The following CTDP1 variants were observed in gnomAD, a reference collection of about 807,000 sequenced individuals.
CTDP1 encodes the protein RNA polymerase II subunit A C-terminal domain phosphatase.
A neutral mutation model predicts 91.8 loss-of-function variants in CTDP1; 47 were observed. That is an observed-to-expected ratio of 0.51 (90% confidence interval 0.41 to 0.65). The LOEUF is 0.65. Among genes scored for constraint, CTDP1 ranks in the 30% least tolerant of loss-of-function variants. CTDP1 has a pLI of 0.00. For missense variants in CTDP1, 1,272 were observed against 1,373.7 expected (o/e 0.93, Z 1.17); for synonymous variants, 656 against 598.5 (o/e 1.10, Z -1.40).
Position 79,704,813 on chromosome 18 carries a change from C to T in CTDP1, c.668C>T (p.Thr223Met), listed in dbSNP as rs149796311. Residue 223 changes from threonine (T) to methionine (M), a missense_variant, in exon 5 of 13, where the codon ACG becomes ATG. Thr to Met is a moderately conservative substitution (Grantham distance 81). Around this residue, in one of 3 missense-constraint regions of CTDP1, gnomAD observed 177 missense variants for 283.0 expected, o/e 0.63. Coordinates refer to ENST00000613122, the MANE Select transcript of CTDP1 (RefSeq NM_004715.5). ...GGCCGGGGTGAGCCCATGCTGCACA[C>T]GCGCCTGCGTCCACACTGCAAGGAC... ...QLGRGEPMLH[T>M]RLRPHCKDFL... is the part of the protein sequence containing the mutation. 1,038 of 1,613,986 alleles carry T rather than the reference C, an allele frequency of 6.4e-4. 2 individuals carry two copies. The highest frequency in any genetic ancestry group is 7.7e-4 in the Non-Finnish European group (912 of 1,180,048).
intron 11 of CTDP1, 40 bp from the exon 12 acceptor site, chr18:79,736,315 C>G: frequency 1.3e-6 from 2 of 1,548,486 alleles, no homozygotes; most frequent in African/African-American, 1.4e-5. Context: ...GAACGGGGCC[C>G]GGGAAGGAGG....
chr18:79,681,450 G>A (rs2085366181), intron 1 of CTDP1: 1 of 985,278 alleles, frequency 1.0e-6, no homozygotes, highest in African/African-American at 1.7e-5. Flanking sequence ...CCCCAGGATG[G>A]AAGATCCCTA....
intron 1 of CTDP1, among the ~76,000 whole-genome samples, chr18:79,694,216 G>T (rs1344119164): frequency 2.8e-5 from 4 of 144,994 alleles, no homozygotes; most frequent in African/African-American, 1.1e-4. Flanking sequence ...TGTCTGCAGG[G>T]CAGGGTGGTC....
At chr18:79,736,585 G>A (rs2086672352) in intron 12 of CTDP1, 64 bp downstream of exon 12, 3 of 1,426,494 alleles carry the variant, frequency 2.1e-6, no homozygotes, top group South Asian at 2.8e-5. Context: ...TCTGCAGTTG[G>A]TGGGCCGCCT....
chr18:79,743,665 C>T (rs144056099), intron 12 of CTDP1, among the ~76,000 whole-genome samples: 556 of 152,102 alleles, frequency 3.7e-3, no homozygotes, highest in African/African-American at 0.012. Context: ...CAGTGAAGCA[C>T]AAAGTGAGGA....
intron 11 of CTDP1, among the ~76,000 whole-genome samples, chr18:79,734,829 T>TA (rs2086634204): frequency 6.6e-6 from 1 of 152,356 alleles, no homozygotes; most frequent in African/African-American, 2.4e-5. Flanking sequence ...TGAATATTAG[T>TA]AACCTTGTCG....
intron 4 of CTDP1, among the ~76,000 whole-genome samples, chr18:79,700,702 A>ACT (rs1251715473): frequency 2.8e-4 from 42 of 152,238 alleles, no homozygotes; most frequent in Admixed American, 1.9e-3. Flanking sequence ...TCACTGATGA[A>ACT]ACTAAACACG....
intron 1 of CTDP1, among the ~76,000 whole-genome samples, chr18:79,691,060 T>A (rs1316801424): frequency 6.6e-6 from 1 of 152,130 alleles, no homozygotes; most frequent in Admixed American, 6.6e-5. Context: ...CTCACCTGCT[T>A]CCTACTCGTC....
intron 1 of CTDP1, among the ~76,000 whole-genome samples, chr18:79,694,873 G>A (rs2085715872): frequency 6.6e-6 from 1 of 152,182 alleles, no homozygotes; most frequent in Non-Finnish European, 1.5e-5. Context: ...ATTCTCTAAC[G>A]GAAATGTCAG....
chr18:79,718,089 G>A (rs1419474545), intron 10 of CTDP1, 73 bp downstream of exon 10: 15 of 1,561,926 alleles, frequency 9.6e-6, no homozygotes, highest in African/African-American at 4.1e-5. Flanking sequence ...CTGTTGGGGG[G>A]ATGGCGTCAG....
Position 79,679,900 on chromosome 18 carries a change from AGCGCAGCG to A in CTDP1, c.-47_-40del, listed in dbSNP as rs2122318936. On this transcript the variant is annotated 5_prime_UTR_variant, in exon 1 of 13. Coordinates refer to ENST00000613122, the MANE Select transcript of CTDP1 (RefSeq NM_004715.5). ...TCGCCGCGGTAGGCGCTGCGCTCTG[AGCGCAGCG>A]CAGGCCCCGTACCGACCGCCCGCCC... The A allele has an allele frequency of 7.6e-7, 1 of 1,309,298 alleles. No individual in the cohort carries two copies. Among genetic ancestry groups the A allele is most frequent in the East Asian group, 3.5e-5 (1 of 28,394 alleles). The allele number at this position is 1,309,298 out of a possible 1,614,324, so 81.1% of individuals were successfully genotyped here. A position where few individuals can be genotyped will look rare whatever the true frequency, so the allele number is the denominator to read the frequency against.
chr18:79,725,558 C>T (rs529898643), intron 10 of CTDP1, among the ~76,000 whole-genome samples: 2 of 151,622 alleles, frequency 1.3e-5, no homozygotes, highest in African/African-American at 2.4e-5. Context: ...CTCCTTATTT[C>T]GTACTTTCCT....
At chr18:79,719,167 G>A (rs1310459279) in intron 10 of CTDP1, among the ~76,000 whole-genome samples, 2 of 152,260 alleles carry the variant, frequency 1.3e-5, no homozygotes, top group Non-Finnish European at 2.9e-5. Context: ...ACGCGCTCTA[G>A]TTCCTCCCCG....
intron 12 of CTDP1, among the ~76,000 whole-genome samples, chr18:79,737,295 C>A (rs574590745): frequency 5.3e-5 from 8 of 152,318 alleles, no homozygotes; most frequent in Non-Finnish European, 1.0e-4. Flanking sequence ...TACTATTGTG[C>A]AGATCTTACA....
intron 1 of CTDP1, among the ~76,000 whole-genome samples, chr18:79,686,316 C>A (rs1340195023): frequency 6.6e-6 from 1 of 152,106 alleles, no homozygotes; most frequent in Admixed American, 6.5e-5. Flanking sequence ...TGGATGAATT[C>A]TCAGTTTTAT....
chr18:79,696,339 G>A lies in CTDP1; in HGVS notation c.492+269G>A, dbSNP rs549597506. On this transcript the variant is annotated intron_variant, in intron 3 of 12. Coordinates refer to ENST00000613122, the MANE Select transcript of CTDP1 (RefSeq NM_004715.5). ...CGTGTCGGGAACACCAGGTGCTGCCGCCGCAGCTGTGAACAGCCAGGCTCA... is the reference window on the plus strand; with the variant it reads ...CGTGTCGGGAACACCAGGTGCTGCCACCGCAGCTGTGAACAGCCAGGCTCA... 4.6e-5 allele frequency among the ~76,000 whole-genome samples: 7 copies of A among 152,312 alleles called. No homozygotes were observed. In the East Asian group the frequency reaches 1.2e-3, roughly 25 times the overall value.
At chr18:79,700,792 G>A (rs933646464) in intron 4 of CTDP1, among the ~76,000 whole-genome samples, 16 of 152,218 alleles carry the variant, frequency 1.1e-4, no homozygotes, top group Non-Finnish European at 1.8e-4. Context: ...TAGCTGGAGA[G>A]GAGAAGTCAG....
intron 1 of CTDP1, among the ~76,000 whole-genome samples, chr18:79,688,684 G>A (rs925778189): frequency 2.6e-5 from 4 of 151,930 alleles, no homozygotes; most frequent in Non-Finnish European, 5.9e-5. Context: ...ACAGGCGTGA[G>A]CCATCACTCC....
rs773828511 is a variant in CTDP1, at chr18:79,704,753, A to T, written c.622-14A>T. 1.2e-6 allele frequency: 2 copies of T among 1,613,094 alleles called. No individual in the cohort carries two copies. The highest frequency in any genetic ancestry group is 2.7e-5 in the African/African-American group (2 of 74,922). On this transcript the variant is annotated splice_polypyrimidine_tract_variant and intron_variant, in intron 4 of 12. Transcript: ENST00000613122. ...CAGGCCTTTTCTCCCGACTGTTGCT[A>T]CTATTCTTTTTAGGGCATCTTTCAC...
Sources: gnomAD v4.1 joint callset for allele counts (sites outside exome capture counted in the v4.1 genomes callset) on GRCh38, gnomAD v4.1.1 for gene constraint, gnomAD v4.1.1 regional missense constraint, MANE v1.5 for transcripts, NCBI Gene and HGNC (gene_info 2026-07-23, HGNC 2026-07-21) for gene names.